Variants in STPG2 observed in about 807,000 individuals in gnomAD.
The protein encoded by STPG2 is sperm tail PG-rich repeat containing 2, also known as sperm-tail PG-rich repeat-containing protein 2.
In STPG2, 56 loss-of-function variants were observed where a neutral mutation model predicts 54.2. The observed-to-expected ratio is 1.03, with a 90% CI of 0.83 to 1.29. The LOEUF (loss-of-function observed/expected upper bound fraction) is 1.29. STPG2 is among the 50% of genes most tolerant of loss of function. The pLI is 0.00. For synonymous variants in STPG2, 200 were observed against 181.8 expected (o/e 1.10, Z -0.81); for missense variants, 596 against 544.9 (o/e 1.09, Z -0.93).
intron 5 of STPG2, among the ~76,000 whole-genome samples, chr4:98,057,902 A>G (rs1737528301): frequency 6.6e-6 from 1 of 152,240 alleles, no homozygotes. Context: ...GCCAGTATTC[A>G]ACATTGTTAA....
chr4:97,901,288 G>C (rs1337156623), intron 8 of STPG2, among the ~76,000 whole-genome samples: 1 of 151,966 alleles, frequency 6.6e-6, no homozygotes, highest in South Asian at 2.1e-4. Flanking sequence ...ACAAGACAAA[G>C]ATGCCCACTT....
Position 97,788,170 on chromosome 4 carries a change from T to C in STPG2, c.1204+52603A>G, listed in dbSNP as rs553481582. ...CGTTGTGCTATCAAAAACTAGATCT[T>C]TTCTATCTAACTGTATTTCTGTACC... On this transcript the variant is annotated intron_variant, in intron 9 of 10. Transcript: ENST00000295268. 5.3e-5 allele frequency among the ~76,000 whole-genome samples: 8 copies of C among 152,094 alleles called. No homozygotes were observed. The South Asian group carries it at 1.7e-3, about 32-fold the overall frequency.
chr4:98,141,939 T>A (rs1434008926), intron 1 of STPG2, among the ~76,000 whole-genome samples: 5 of 73,818 alleles, frequency 6.8e-5, no homozygotes, highest in African/African-American at 1.4e-4. Flanking sequence ...AGACAGTAGT[T>A]GGGAAAAAAA....
chr4:98,056,894 C>T (rs1440154611), intron 5 of STPG2, among the ~76,000 whole-genome samples: 1 of 151,604 alleles, frequency 6.6e-6, no homozygotes, highest in Non-Finnish European at 1.5e-5. Flanking sequence ...GTGCTTGCTT[C>T]CCCTTCACAC....
intron 9 of STPG2, among the ~76,000 whole-genome samples, chr4:97,757,924 T>C (rs1300396307): frequency 6.6e-6 from 1 of 152,232 alleles, no homozygotes; most frequent in Non-Finnish European, 1.5e-5. Context: ...CTACAATGAA[T>C]GAAATTTCTG....
chr4:98,130,826 G>A (rs6832875), intron 2 of STPG2, among the ~76,000 whole-genome samples: 58,766 of 149,422 alleles, frequency 0.39, 11,768 homozygotes, highest in Middle Eastern at 0.45. Flanking sequence ...AGAAGCTGTG[G>A]CAGGAGAATG....
intron 4 of STPG2, among the ~76,000 whole-genome samples, chr4:97,501,661 A>C (rs905432262): frequency 2.6e-5 from 4 of 151,940 alleles, no homozygotes; most frequent in Admixed American, 2.6e-4. Context: ...GTGCCACTCC[A>C]TTCCAGCCTG....
intron 8 of STPG2, among the ~76,000 whole-genome samples, chr4:97,860,079 G>A (rs887997398): frequency 1.1e-4 from 16 of 152,136 alleles, no homozygotes; most frequent in Admixed American, 1.0e-3. Flanking sequence ...CTGTTCCATT[G>A]GTCTACGTGC....
intron 8 of STPG2, among the ~76,000 whole-genome samples, chr4:97,903,279 G>T (rs576906950): frequency 1.3e-5 from 2 of 151,964 alleles, no homozygotes; most frequent in African/African-American, 2.4e-5. Context: ...ATTAGTTGTG[G>T]CAATTATTCT....
intron 4 of STPG2, among the ~76,000 whole-genome samples, chr4:97,452,100 C>A (rs1204148825): frequency 1.6e-5 from 2 of 122,206 alleles, no homozygotes; most frequent in Non-Finnish European, 3.3e-5. Context: ...CTCCATAGAG[C>A]AGGCAGGAGC....
chr4:97,571,032 A>G (rs1487874024), intron 10 of STPG2, among the ~76,000 whole-genome samples: 2 of 152,100 alleles, frequency 1.3e-5, no homozygotes, highest in Admixed American at 1.3e-4. Flanking sequence ...TCTTTCTGTA[A>G]AATATTTAAA....
intron 10 of STPG2, among the ~76,000 whole-genome samples, chr4:97,604,186 C>T (rs1199370042): frequency 6.6e-6 from 1 of 151,434 alleles, no homozygotes; most frequent in Non-Finnish European, 1.5e-5. Flanking sequence ...TCTAGTAATC[C>T]ATATTCTAGA....
intron 4 of STPG2, among the ~76,000 whole-genome samples, chr4:97,546,781 C>T (rs556295463): frequency 6.6e-6 from 1 of 152,200 alleles, no homozygotes; most frequent in East Asian, 1.9e-4. Context: ...TTAAGTAATA[C>T]ATACTGTATG....
chr4:97,860,610 T>C (rs1729494155), intron 8 of STPG2, among the ~76,000 whole-genome samples: 1 of 152,070 alleles, frequency 6.6e-6, no homozygotes, highest in Admixed American at 6.6e-5. Context: ...ATGCTACTGA[T>C]TTGTGAACAC....
rs11386288 is a variant in STPG2, at chr4:97,810,462, C to CAA, written c.1204+30309_1204+30310dup. ...CTGGCAACAGAGTGAGACTCTGTCT[C>CAA]AAAAAAAAAAAAAAAAGAAAGCAAT... On this transcript the variant is annotated intron_variant, in intron 9 of 10. Coordinates refer to ENST00000295268, the MANE Select transcript of STPG2 (RefSeq NM_174952.3). Among the ~76,000 whole-genome samples, 1,040 of 112,876 alleles carry CAA rather than the reference C, an allele frequency of 9.2e-3. 9 individuals are homozygous for CAA. The highest frequency in any genetic ancestry group is 0.024 in the African/African-American group (699 of 29,394). The allele number at this position is 112,876 out of a possible 152,430, so 74.1% of individuals were successfully genotyped here.
At chr4:97,461,967 T>C (rs1729675401) in intron 4 of STPG2, among the ~76,000 whole-genome samples, 1 of 152,142 alleles carries the variant, frequency 6.6e-6, no homozygotes, top group Non-Finnish European at 1.5e-5. Context: ...CAATATATCA[T>C]CTTTTTATTA....
chr4:97,689,890 A>G (rs1304154008), intron 10 of STPG2, among the ~76,000 whole-genome samples: 1 of 152,006 alleles, frequency 6.6e-6, no homozygotes, highest in Non-Finnish European at 1.5e-5. Flanking sequence ...CTAAAACAAT[A>G]TATATCTTCT....
chr4:97,938,457 G>GGGAGC (rs368368678), intron 8 of STPG2, among the ~76,000 whole-genome samples: 127,035 of 151,700 alleles, frequency 0.84, 53,357 homozygotes, highest in Middle Eastern at 0.94. Context: ...CAGTGACTAA[G>GGGAGC]TCAGAAGGCT....
rs575846561 is a variant in STPG2 at position 97,984,355 on chromosome 4, G to A, written c.613-3037C>T. On this transcript the variant is annotated intron_variant, in intron 5 of 10. Coordinates refer to ENST00000295268, the MANE Select transcript of STPG2 (RefSeq NM_174952.3). Reference sequence around the variant, plus strand: ...AGACTGGATTTTGCCATGTTGGCCAGGCTCGTCTCAAACTGCTGACCTCAA... The same window carrying A: ...AGACTGGATTTTGCCATGTTGGCCAAGCTCGTCTCAAACTGCTGACCTCAA... Among the ~76,000 whole-genome samples, 9 of 152,198 alleles carry A rather than the reference G, an allele frequency of 5.9e-5. No individual in the cohort carries two copies. In the East Asian group the frequency reaches 1.5e-3, roughly 26 times the overall value.
Sources: gnomAD v4.1 joint callset for allele counts (sites outside exome capture counted in the v4.1 genomes callset) on GRCh38, gnomAD v4.1.1 for gene constraint, MANE v1.5 for transcripts, NCBI Gene and HGNC (gene_info 2026-07-23, HGNC 2026-07-21) for gene names.